Variants in FOXN2 observed in about 807,000 individuals in gnomAD.
FOXN2 encodes the protein forkhead box protein N2.
A neutral mutation model predicts 41.2 loss-of-function variants in FOXN2; 19 were observed. That is an observed-to-expected ratio of 0.46 (90% confidence interval 0.32 to 0.68). The LOEUF (loss-of-function observed/expected upper bound fraction) is 0.68. FOXN2 is among the 30% of genes least tolerant of loss of function. FOXN2 has a pLI of 0.03. For missense variants in FOXN2, 587 were observed against 509.4 expected, an observed-to-expected ratio of 1.15 and a Z score of -1.47; for synonymous variants, 195 against 176.8, an observed-to-expected ratio of 1.10 and a Z score of -0.82.
intron 2 of FOXN2, among the ~76,000 whole-genome samples, chr2:48,344,120 A>G (rs138849224): frequency 4.6e-4 from 70 of 152,306 alleles, no homozygotes; most frequent in African/African-American, 1.6e-3. Context: ...TTAAGTCTCT[A>G]TGAATAGAGA....
At chr2:48,369,742 C>T (rs968060505) in intron 5 of FOXN2, among the ~76,000 whole-genome samples, 3 of 149,730 alleles carry the variant, frequency 2.0e-5, no homozygotes, top group Admixed American at 1.3e-4. Context: ...AGGCTGGGCA[C>T]GGTGGCTCAC....
At chr2:48,356,488 T>A (rs951130770) in intron 3 of FOXN2, among the ~76,000 whole-genome samples, 12 of 152,224 alleles carry the variant, frequency 7.9e-5, no homozygotes, top group Non-Finnish European at 4.4e-5. Flanking sequence ...TTCTAAATTT[T>A]TATAAAGCCC....
intron 2 of FOXN2, among the ~76,000 whole-genome samples, 198 bp from the exon 3 acceptor site, chr2:48,346,003 C>T (rs556214159): frequency 6.6e-6 from 1 of 152,072 alleles, no homozygotes; most frequent in Non-Finnish European, 1.5e-5. Context: ...TTATTTACAG[C>T]CATTTCAACT....
At chr2:48,317,972 A>G (rs57131168) in intron 1 of FOXN2, among the ~76,000 whole-genome samples, 32,244 of 151,994 alleles carry the variant, frequency 0.21, 3,752 homozygotes, top group East Asian at 0.45. Context: ...TCCTGCCACT[A>G]ATATAAAGGG....
intron 2 of FOXN2, among the ~76,000 whole-genome samples, chr2:48,341,996 T>G (rs1670806352): frequency 6.6e-6 from 1 of 152,224 alleles, no homozygotes; most frequent in Non-Finnish European, 1.5e-5. Context: ...TTTTTAAGAT[T>G]TGATTTTTGT....
Position 48,341,565 on chromosome 2 carries a change from A to G in FOXN2, c.-14-4636A>G, listed in dbSNP as rs565166677. 3.2e-4 allele frequency among the ~76,000 whole-genome samples: 48 copies of G among 152,338 alleles called. 1 individual carries two copies. Among genetic ancestry groups the G allele is most frequent in the African/African-American group, 1.0e-3 (43 of 41,584 alleles). On this transcript the variant is annotated intron_variant, in intron 2 of 6. Transcript: ENST00000340553. ...GTCAGTTTAGGATTTTAAAAAGAAC[A>G]TGAACACTGTGCAAGGAAGGGTTGA... is the stretch of plus-strand genomic sequence containing the variant.
In FOXN2 at chr2:48,362,513, A is replaced by G. The variant is rs1672254983; in HGVS notation, c.639-130A>G. 6 of 709,180 alleles carry G rather than the reference A, an allele frequency of 8.5e-6. No individual in the cohort carries two copies. The South Asian group carries it at 1.0e-4, about 12-fold the overall frequency. 43.9% of individuals were successfully genotyped at this position (709,180 alleles called of 1,614,324 possible). On this transcript the variant is annotated intron_variant, in intron 4 of 6. Coordinates refer to ENST00000340553, the MANE Select transcript of FOXN2 (RefSeq NM_002158.4). ...GAGCTCAGAAAGTCAAGGCTGCAGT[A>G]GGCTGAAATCATGCCACTGCACTCC...
At chr2:48,344,832 C>G (rs945876670) in intron 2 of FOXN2, among the ~76,000 whole-genome samples, 5 of 115,950 alleles carry the variant, frequency 4.3e-5, no homozygotes, top group Non-Finnish European at 9.3e-5. Context: ...AAAACAAACT[C>G]TGGAGGTACC....
rs1220564427 is a variant in FOXN2 at position 48,336,562 on chromosome 2, A to G, written c.-15+7860A>G. 2.6e-5 allele frequency among the ~76,000 whole-genome samples: 4 copies of G among 151,920 alleles called. No homozygotes were observed. The East Asian group carries it at 7.7e-4, about 29-fold the overall frequency. On this transcript the variant is annotated intron_variant, in intron 2 of 6. Coordinates refer to ENST00000340553, the MANE Select transcript of FOXN2 (RefSeq NM_002158.4). ...TTTCAGTGATAGAAATATGTATATA[A>G]TTTCCACACTAGTAGAGGATTAAAA...
At position 48,318,999 on chromosome 2, in the gene FOXN2, C is replaced by G. The variant is rs1001518216; in HGVS notation, c.-157+4185C>G. Among the ~76,000 whole-genome samples the G allele has an allele frequency of 1.3e-5, 2 of 152,186 alleles. 1 individual carries two copies. Among genetic ancestry groups the G allele is most frequent in the Non-Finnish European group, 2.9e-5 (2 of 68,016 alleles). ...CAGATAATGGAAAATTACTTTGATT[C>G]TTCCCGAGTAGATACATTACTGTTA... On this transcript the variant is annotated intron_variant, in intron 1 of 6. Transcript: ENST00000340553.
intron 2 of FOXN2, among the ~76,000 whole-genome samples, chr2:48,339,739 A>C (rs1670614412): frequency 6.6e-6 from 1 of 152,238 alleles, no homozygotes; most frequent in Non-Finnish European, 1.5e-5. Flanking sequence ...TCTGTGACCA[A>C]ATAATTCTAC....
In FOXN2 at chr2:48,354,649, A is replaced by G. The variant is rs146010702; in HGVS notation, c.538-4398A>G. On this transcript the variant is annotated intron_variant, in intron 3 of 6. Coordinates refer to ENST00000340553, the MANE Select transcript of FOXN2 (RefSeq NM_002158.4). ...ATAAATGTTTAACAACTGGCTAGGG[A>G]CAGGCTGTTTAGCTTTTGCTAAATG... 2.7e-4 allele frequency among the ~76,000 whole-genome samples: 41 copies of G among 152,386 alleles called. 1 individual carries two copies. The East Asian group carries it at 7.7e-3, about 29-fold the overall frequency.
chr2:48,328,520 C>T (rs995699330), intron 1 of FOXN2, 41 bp from the exon 2 acceptor site: 2 of 152,162 alleles, frequency 1.3e-5, no homozygotes, highest in African/African-American at 2.4e-5. Flanking sequence ...GTTACAGACA[C>T]AACCAACCTT....
At chr2:48,358,646 C>G (rs1439247286) in intron 3 of FOXN2, among the ~76,000 whole-genome samples, 1 of 152,038 alleles carries the variant, frequency 6.6e-6, no homozygotes, top group Non-Finnish European at 1.5e-5. Flanking sequence ...ATCTTAATAG[C>G]AATCATAATA....
rs1012842737 is a variant in FOXN2, at chr2:48,346,562, C to T, written c.348C>T (p.Ser116=). Residue 116 remains serine (S), a synonymous_variant, in exon 3 of 7, where the codon TCC becomes TCT. Coordinates refer to ENST00000340553, the MANE Select transcript of FOXN2 (RefSeq NM_002158.4). ...CAGCGACTTCAAAGCCCCCATACTCCTTTAGTCTTCTCATTTATATGGCCA... is the reference window on the plus strand; with the variant it reads ...CAGCGACTTCAAAGCCCCCATACTCTTTTAGTCTTCTCATTTATATGGCCA... ...KKSATSKPPY[S]FSLLIYMAIE... 8 of 1,613,658 alleles carry T rather than the reference C, an allele frequency of 5.0e-6. No homozygotes were observed. In the African/African-American group the frequency reaches 8.0e-5, roughly 16 times the overall value.
chr2:48,314,009 G>C (rs1668710146), upstream of FOXN2, among the ~76,000 whole-genome samples: 1 of 152,202 alleles, frequency 6.6e-6, no homozygotes, highest in Non-Finnish European at 1.5e-5. Flanking sequence ...TTTTGGATTT[G>C]ATCCGTAAGT....
At chr2:48,335,087 T>C (rs757081943) in intron 2 of FOXN2, among the ~76,000 whole-genome samples, 37 of 152,270 alleles carry the variant, frequency 2.4e-4, no homozygotes, top group Non-Finnish European at 3.5e-4. Context: ...AAGTGGCTTA[T>C]AATAAAAATT....
intron 2 of FOXN2, among the ~76,000 whole-genome samples, chr2:48,341,012 A>T (rs1326289232): frequency 6.6e-6 from 1 of 152,312 alleles, no homozygotes; most frequent in East Asian, 1.9e-4. Context: ...TACTTGGATT[A>T]AGCTAGTTAT....
At chr2:48,320,246 T>C (rs903540687) in intron 1 of FOXN2, among the ~76,000 whole-genome samples, 1 of 152,186 alleles carries the variant, frequency 6.6e-6, no homozygotes, top group African/African-American at 2.4e-5. Flanking sequence ...TTATTGTGTT[T>C]ACTATGTATT....
Sources: gnomAD v4.1 joint callset for allele counts (sites outside exome capture counted in the v4.1 genomes callset) on GRCh38, gnomAD v4.1.1 for gene constraint, MANE v1.5 for transcripts, NCBI Gene and HGNC (gene_info 2026-07-23, HGNC 2026-07-21) for gene names.